PIBF1: variants seen among roughly 807,000 people sequenced by gnomAD.
PIBF1 encodes the protein progesterone immunomodulatory binding factor 1.
A neutral mutation model predicts 112.5 loss-of-function variants in PIBF1; 90 were observed. The ratio of observed to expected loss-of-function variants is 0.80; its 90% CI spans 0.67 to 0.95. PIBF1 has a LOEUF of 0.95. PIBF1 is among the 40% of genes least tolerant of loss of function. The pLI is 0.00. For synonymous variants in PIBF1, 301 were observed against 288.6 expected (o/e 1.04, Z -0.44); for missense variants, 915 against 852.3 (o/e 1.07, Z -0.92).
At chr13:72,884,355 C>T (rs896353579) in intron 10 of PIBF1, 1 of 152,054 alleles carries the variant, frequency 6.6e-6, no homozygotes, top group Non-Finnish European at 1.5e-5. Context: ...CCTCTCACAA[C>T]CCACTTAGTC....
chr13:72,949,915 A>T (rs1389862105), intron 14 of PIBF1, among the ~76,000 whole-genome samples: 1 of 152,210 alleles, frequency 6.6e-6, no homozygotes, highest in Non-Finnish European at 1.5e-5. Flanking sequence ...AAGAAAGGTG[A>T]AAAAGTAAGA....
intron 9 of PIBF1, among the ~76,000 whole-genome samples, chr13:72,848,384 A>G (rs562183847): frequency 7.2e-5 from 11 of 152,204 alleles, no homozygotes; most frequent in Admixed American, 2.6e-4. Flanking sequence ...ACGTTAGTCT[A>G]TTGTTACGAA....
chr13:72,916,110 C>G (rs1310987690), intron 12 of PIBF1, among the ~76,000 whole-genome samples: 1 of 151,494 alleles, frequency 6.6e-6, no homozygotes, highest in Non-Finnish European at 1.5e-5. Context: ...GTTTTTTGGC[C>G]AGGTGCGGTG....
In PIBF1 at chr13:72,943,001, A is replaced by G. The variant is rs578014191; in HGVS notation, c.1833+11734A>G. The stretch of plus-strand genomic sequence containing the variant: ...AGGTGACAGAGCAAGACTCTGTCTC[A>G]AAAAAAGAAAAATATCGTTTAGTAA... On this transcript the variant is annotated intron_variant, in intron 14 of 17. Coordinates refer to ENST00000326291, the MANE Select transcript of PIBF1 (RefSeq NM_006346.4). Among the ~76,000 whole-genome samples, 4 of 152,290 alleles carry G rather than the reference A, an allele frequency of 2.6e-5. No individual in the cohort carries two copies. The South Asian group carries it at 8.3e-4, about 32-fold the overall frequency.
At chr13:72,836,253 C>T in intron 9 of PIBF1, 1 of 317,332 alleles carries the variant, frequency 3.2e-6, no homozygotes. Flanking sequence ...TTATTATAGT[C>T]AGTGTGGTTT....
chr13:72,978,347 A>G (rs1358089421), intron 16 of PIBF1, among the ~76,000 whole-genome samples: 1 of 152,234 alleles, frequency 6.6e-6, no homozygotes, highest in Non-Finnish European at 1.5e-5. Context: ...GTTAGAGATG[A>G]AACTGATGCT....
chr13:72,876,355 G>C (rs562548400), intron 10 of PIBF1, among the ~76,000 whole-genome samples: 34 of 151,978 alleles, frequency 2.2e-4, no homozygotes, highest in Non-Finnish European at 4.4e-4. Context: ...AAGTCTCAAA[G>C]TTGGATAGTG....
At chr13:72,987,863 T>A (rs995139419) in intron 16 of PIBF1, among the ~76,000 whole-genome samples, 1,997 of 99,926 alleles carry the variant, frequency 0.02, 22 homozygotes, top group South Asian at 0.045. Context: ...TATTTATTTT[T>A]TTTTTTTTTT....
At chr13:72,990,847 CAAAT>C (rs954004526) in intron 16 of PIBF1, among the ~76,000 whole-genome samples, 1 of 152,132 alleles carries the variant, frequency 6.6e-6, no homozygotes, top group Non-Finnish European at 1.5e-5. Context: ...GACTCCATCT[CAAAT>C]AAATTAATTA....
intron 5 of PIBF1, among the ~76,000 whole-genome samples, chr13:72,813,933 A>G (rs1244183572): frequency 1.3e-5 from 2 of 152,188 alleles, no homozygotes; most frequent in Non-Finnish European, 2.9e-5. Flanking sequence ...CAAGAGCAGA[A>G]CAGATTGTCG....
At chr13:72,874,816 TAC>T (rs936919123) in intron 10 of PIBF1, among the ~76,000 whole-genome samples, 6 of 152,132 alleles carry the variant, frequency 3.9e-5, no homozygotes, top group African/African-American at 1.4e-4. Context: ...TGAAAGGAGG[TAC>T]AGATTGCTCA....
intron 9 of PIBF1, among the ~76,000 whole-genome samples, chr13:72,851,677 G>A (rs933509898): frequency 2.6e-5 from 4 of 152,232 alleles, no homozygotes; most frequent in African/African-American, 7.2e-5. Flanking sequence ...CATGGGAGCT[G>A]CGCCACCAGT....
intron 14 of PIBF1, among the ~76,000 whole-genome samples, chr13:72,938,269 G>A (rs1447360164): frequency 6.6e-6 from 1 of 151,966 alleles, no homozygotes; most frequent in East Asian, 1.9e-4. Context: ...TATGTGTATG[G>A]TGTTTCATAC....
intron 3 of PIBF1, 94 bp from the exon 4 acceptor site, chr13:72,795,265 T>C: frequency 1.3e-6 from 1 of 764,682 alleles, no homozygotes; most frequent in East Asian, 2.6e-5. Context: ...GGTTTCTGAT[T>C]TCCTAACTTT....
chr13:72,972,948 G>A (rs2042934466), intron 15 of PIBF1, among the ~76,000 whole-genome samples: 1 of 152,098 alleles, frequency 6.6e-6, no homozygotes, highest in Non-Finnish European at 1.5e-5. Flanking sequence ...AGTATCTTGT[G>A]TTGTAATAGT....
chr13:72,983,732 T>C (rs1324772700), intron 16 of PIBF1, among the ~76,000 whole-genome samples: 1 of 152,170 alleles, frequency 6.6e-6, no homozygotes, highest in African/African-American at 2.4e-5. Context: ...TTCCAACAAA[T>C]TGCATTTTTC....
chr13:72,880,015 G>T (rs1487345720), intron 10 of PIBF1, among the ~76,000 whole-genome samples: 1 of 152,152 alleles, frequency 6.6e-6, no homozygotes, highest in Non-Finnish European at 1.5e-5. Context: ...AAACATGTCT[G>T]CATGCCAGCT....
intron 9 of PIBF1, among the ~76,000 whole-genome samples, chr13:72,840,240 A>G (rs2037546153): frequency 6.6e-6 from 1 of 152,246 alleles, no homozygotes; most frequent in Non-Finnish European, 1.5e-5. Context: ...TCCACACAGT[A>G]AAAAGTAAAT....
chr13:72,984,635 G>A (rs1485256552), intron 16 of PIBF1, among the ~76,000 whole-genome samples: 1 of 152,098 alleles, frequency 6.6e-6, no homozygotes, highest in Non-Finnish European at 1.5e-5. Context: ...TTTGAGTTGT[G>A]TAAAAGACAT....
Sources: allele counts gnomAD v4.1 joint callset (sites outside exome capture counted in the v4.1 genomes callset), GRCh38; gene constraint gnomAD v4.1.1; transcripts MANE v1.5; gene names NCBI Gene and HGNC (gene_info 2026-07-23, HGNC 2026-07-21).